DAB1: variants seen among roughly 807,000 people sequenced by gnomAD.
DAB1 encodes disabled homolog 1.
In DAB1, 15 loss-of-function variants were observed where a neutral mutation model predicts 64.6. The observed-to-expected ratio is 0.23, with a 90% confidence interval of 0.16 to 0.36. The LOEUF (loss-of-function observed/expected upper bound fraction) is 0.36. DAB1 is among the 10% of genes least tolerant of loss of function. The pLI is 1.00. For missense variants in DAB1, 596 were observed against 706.7 expected, an observed-to-expected ratio of 0.84 and a Z score of 1.78; for synonymous variants, 235 against 251.9, an observed-to-expected ratio of 0.93 and a Z score of 0.64.
chr1:57,287,956 T>C (rs568843), intron 2 of DAB1, among the ~76,000 whole-genome samples: 63,989 of 151,238 alleles, frequency 0.42, 13,914 homozygotes, highest in Admixed American at 0.58. Context: ...CCACCATGCC[T>C]GACTAATTTT....
chr1:57,917,880 C>T (rs1304506467), intron 5 of DAB1, among the ~76,000 whole-genome samples: 1 of 152,016 alleles, frequency 6.6e-6, no homozygotes, highest in Non-Finnish European at 1.5e-5. Context: ...ACCTCTTGTC[C>T]TGTAATAATG....
intron 7 of DAB1, among the ~76,000 whole-genome samples, chr1:57,481,046 T>A (rs1386113287): frequency 6.6e-6 from 1 of 152,070 alleles, no homozygotes; most frequent in African/African-American, 2.4e-5. Context: ...CAAAGTTGAG[T>A]CATTCAGTCT....
chr1:57,605,422 G>T (rs1182217038), intron 7 of DAB1, among the ~76,000 whole-genome samples: 1 of 152,142 alleles, frequency 6.6e-6, no homozygotes, highest in Non-Finnish European at 1.5e-5. Context: ...ACTGTCAAGG[G>T]TCTGGCCCTT....
At chr1:58,049,260 T>G in intron 5 of DAB1, 1 of 746,306 alleles carries the variant, frequency 1.3e-6, no homozygotes, top group Non-Finnish European at 2.5e-6. Flanking sequence ...CCTAAGCTGT[T>G]CGGGCTCTTT....
At chr1:58,442,979 G>C (rs1476650400) in intron 3 of DAB1, among the ~76,000 whole-genome samples, 1 of 152,210 alleles carries the variant, frequency 6.6e-6, no homozygotes, top group Non-Finnish European at 1.5e-5. Context: ...AGAAAGCTTA[G>C]AAAACTGTAG....
chr1:58,448,656 C>T (rs76561768), intron 3 of DAB1, among the ~76,000 whole-genome samples: 244 of 152,284 alleles, frequency 1.6e-3, no homozygotes, highest in African/African-American at 5.6e-3. Context: ...AACACATTTT[C>T]AAGGGAGAAA....
chr1:58,366,837 T>C (rs567159863), intron 3 of DAB1, among the ~76,000 whole-genome samples: 2 of 152,326 alleles, frequency 1.3e-5, no homozygotes, highest in African/African-American at 2.4e-5. Context: ...GCACTGCACA[T>C]TTATAGTTGC....
chr1:58,299,915 C>G (rs947726242), intron 4 of DAB1, among the ~76,000 whole-genome samples: 1 of 152,130 alleles, frequency 6.6e-6, no homozygotes, highest in African/African-American at 2.4e-5. Context: ...CAGAGGCAAG[C>G]AACTCTCTCC....
At chr1:57,645,495 C>A (rs1168461244) in intron 7 of DAB1, among the ~76,000 whole-genome samples, 1 of 152,162 alleles carries the variant, frequency 6.6e-6, no homozygotes, top group Non-Finnish European at 1.5e-5. Flanking sequence ...CAGCTTCTTC[C>A]TTCCTTGTTG....
intron 14 of DAB1, among the ~76,000 whole-genome samples, chr1:57,001,126 T>C (rs1557500739): frequency 6.6e-6 from 1 of 152,200 alleles, no homozygotes; most frequent in Non-Finnish European, 1.5e-5. Flanking sequence ...ACCTTCCTTA[T>C]TATGGAATCT....
At chr1:57,893,923 A>T (rs1302811787) in intron 5 of DAB1, among the ~76,000 whole-genome samples, 3 of 152,160 alleles carry the variant, frequency 2.0e-5, no homozygotes, top group Non-Finnish European at 4.4e-5. Flanking sequence ...GCAAAATGGC[A>T]GCGTTTTAAC....
intron 2 of DAB1, among the ~76,000 whole-genome samples, chr1:57,286,642 A>C (rs570519246): frequency 6.6e-6 from 1 of 152,350 alleles, no homozygotes; most frequent in African/African-American, 2.4e-5. Flanking sequence ...TTCCAGAAAT[A>C]GTCCTCAATA....
chr1:57,003,045 A>G lies in DAB1; in HGVS notation c.*16-4917T>C, dbSNP rs75491963. On this transcript the variant is annotated intron_variant, in intron 14 of 14. Transcript: ENST00000371236. ...AATAATCACCTGTGGGTTTCTTTTC[A>G]AATGGCCTCTCCTTCATAGCACATA... is the stretch of plus-strand genomic sequence containing the variant. 2.9e-3 allele frequency among the ~76,000 whole-genome samples: 437 copies of G among 152,350 alleles called. 4 individuals are homozygous for G. The highest frequency in any genetic ancestry group is 9.6e-3 in the African/African-American group (398 of 41,580).
chr1:57,260,527 C>A (rs1442156776), intron 2 of DAB1, among the ~76,000 whole-genome samples: 1 of 152,184 alleles, frequency 6.6e-6, no homozygotes. Context: ...GAATTCAAAG[C>A]CTGGTACCTT....
chr1:58,484,896 C>A (rs1473662322), intron 3 of DAB1, among the ~76,000 whole-genome samples: 2 of 151,858 alleles, frequency 1.3e-5, no homozygotes, highest in African/African-American at 4.8e-5. Context: ...TTGCCAGGGG[C>A]TAGGGGGAGG....
At chr1:57,179,524 T>C (rs191785931) in intron 2 of DAB1, among the ~76,000 whole-genome samples, 156 of 152,336 alleles carry the variant, frequency 1.0e-3, no homozygotes, top group Non-Finnish European at 1.2e-3. Context: ...TGTATATCTG[T>C]CCCTGATTTA....
chr1:57,661,464 T>C (rs1026052597), intron 6 of DAB1, among the ~76,000 whole-genome samples: 11 of 152,226 alleles, frequency 7.2e-5, no homozygotes, highest in African/African-American at 2.7e-4. Flanking sequence ...TTCCCAGAGA[T>C]AAATGCTGCA....
intron 4 of DAB1, among the ~76,000 whole-genome samples, chr1:58,339,778 A>G (rs1663207660): frequency 6.6e-6 from 1 of 152,170 alleles, no homozygotes; most frequent in Non-Finnish European, 1.5e-5. Flanking sequence ...AATTTTCCAA[A>G]CAGAAATATT....
At chr1:58,207,064 C>A (rs1427250776) in intron 4 of DAB1, among the ~76,000 whole-genome samples, 2 of 152,202 alleles carry the variant, frequency 1.3e-5, no homozygotes, top group African/African-American at 2.4e-5. Context: ...GGAGCCAATT[C>A]ATCTCAGCGG....
Sources: gnomAD v4.1 joint callset for allele counts (sites outside exome capture counted in the v4.1 genomes callset) on GRCh38, gnomAD v4.1.1 for gene constraint, MANE v1.5 for transcripts, NCBI Gene and HGNC (gene_info 2026-07-23, HGNC 2026-07-21) for gene names.